Variants in RBM38 observed in about 807,000 individuals in gnomAD.
RBM38 encodes RNA binding motif protein 38.
In RBM38, 11 loss-of-function variants were observed where a neutral mutation model predicts 23.5. The observed-to-expected ratio is 0.47, with a 90% CI of 0.29 to 0.77. The LOEUF (loss-of-function observed/expected upper bound fraction) is 0.77. Among genes scored for constraint, RBM38 ranks in the 30% least tolerant of loss-of-function variants. The pLI, the probability that RBM38 is intolerant of heterozygous loss-of-function variation, is 0.08. For synonymous variants in RBM38, 165 were observed against 166.1 expected (o/e 0.99, Z 0.05); for missense variants, 330 against 351.9 (o/e 0.94, Z 0.50).
intron 3 of RBM38, among the ~76,000 whole-genome samples, chr20:57,395,985 A>G (rs2067271049): frequency 6.6e-6 from 1 of 151,936 alleles, no homozygotes; most frequent in South Asian, 2.1e-4. Context: ...GCCTGGCTGA[A>G]CTCTTCCTTG....
At chr20:57,392,131 C>A (rs2067225538) in intron 1 of RBM38, 3 of 229,366 alleles carry the variant, frequency 1.3e-5, no homozygotes, top group Admixed American at 5.8e-5. Flanking sequence ...CTCGGGATTT[C>A]CTGGAGCAGC....
At chr20:57,392,361 C>G in intron 1 of RBM38, 2 of 1,432,912 alleles carry the variant, frequency 1.4e-6, no homozygotes, top group Non-Finnish European at 1.9e-6. Flanking sequence ...GCCCCCCAAG[C>G]TCCCTTCGGG....
chr20:57,395,535 G>A (rs990382991), intron 3 of RBM38, among the ~76,000 whole-genome samples: 2 of 152,214 alleles, frequency 1.3e-5, no homozygotes, highest in Non-Finnish European at 2.9e-5. Context: ...CTATTTGTTG[G>A]TTGCCAAAGG....
At position 57,391,741 on chromosome 20, in the gene RBM38, T is replaced by C; in HGVS notation, c.160T>C (p.Phe54Leu). 1 of 1,567,096 alleles carries C rather than the reference T, an allele frequency of 6.4e-7. No homozygotes were observed. The highest frequency in any genetic ancestry group is 8.6e-7 in the Non-Finnish European group (1 of 1,156,706). Residue 54 changes from phenylalanine (F) to leucine (L), a missense_variant, in exon 1 of 4, where the codon TTC (phenylalanine) becomes CTC (leucine). Physicochemically the swap from Phe to Leu is conservative, Grantham distance 22. This residue lies in a region of RBM38 where 95 missense variants were observed against 111.9 expected (regional missense o/e 0.85). Transcript: ENST00000356208. ...HTTDASLRKY[F>L]EGFGDIEEAV... ...TACCGACGCCTCGCTCAGGAAGTAC[T>C]TCGAGGGCTTCGGCGACATCGAGGA...
At chr20:57,392,580 CAG>C in intron 1 of RBM38, 72 bp from the exon 2 acceptor site, 2 of 1,531,910 alleles carry the variant, frequency 1.3e-6, no homozygotes, top group Non-Finnish European at 1.8e-6. Flanking sequence ...CATCCGGTGC[CAG>C]GGCGGAGCCG....
At chr20:57,403,412 T>C (rs1334420804) in intron 3 of RBM38, among the ~76,000 whole-genome samples, 2 of 152,194 alleles carry the variant, frequency 1.3e-5, no homozygotes, top group Non-Finnish European at 2.9e-5. Flanking sequence ...GCCGGTGTTC[T>C]CACTCCCCCT....
chr20:57,391,609 C>T lies in RBM38; in HGVS notation c.28C>T (p.Pro10Ser). MLLQPAPCA[P>S]SAGFPRPLAA... ...GCTGCTGCAGCCCGCGCCGTGCGCC[C>T]CGAGCGCGGGCTTCCCGCGGCCCCT... Residue 10 changes from proline (P) to serine (S), a missense_variant, in exon 1 of 4, where the codon CCG becomes TCG. Pro to Ser is a moderately conservative substitution (Grantham distance 74, BLOSUM62 -1). Coordinates refer to ENST00000356208, the MANE Select transcript of RBM38 (RefSeq NM_017495.6). The T allele has an allele frequency of 7.1e-7, 1 of 1,410,342 alleles. No homozygotes were observed. Among genetic ancestry groups the T allele is most frequent in the Non-Finnish European group, 9.3e-7 (1 of 1,071,068 alleles). The allele number at this position is 1,410,342 out of a possible 1,614,324, so 87.4% of individuals were successfully genotyped here.
rs1429768113 is a variant in RBM38, at chr20:57,409,219, G to C, written c.*1373G>C. 1 of 152,680 alleles carries C rather than the reference G, an allele frequency of 6.5e-6. No homozygotes were observed. Among genetic ancestry groups the C allele is most frequent in the African/African-American group, 2.4e-5 (1 of 41,456 alleles). The allele number at this position is 152,680 out of a possible 1,614,324, so 9.5% of individuals were successfully genotyped here. A position where few individuals can be genotyped will look rare whatever the true frequency, so the allele number is the denominator to read the frequency against. On this transcript the variant is annotated 3_prime_UTR_variant, in exon 4 of 4. Transcript: ENST00000356208. ...GGGAGCTGAGCGTGCAGGCGCTCCA[G>C]GGCAGGCCTGGGACAGAGTCAAGGC... is the stretch of plus-strand genomic sequence containing the variant.
Position 57,407,665 on chromosome 20 carries a change from CCCAGTACCCACCGGCCACCTATGA to C in RBM38, c.550_573del (p.Pro184_Pro191del), listed in dbSNP as rs1374347317. 3.1e-5 allele frequency: 50 copies of C among 1,612,900 alleles called. No individual in the cohort carries two copies. Among genetic ancestry groups the C allele is most frequent in the Non-Finnish European group, 4.2e-5 (49 of 1,179,820 alleles). ...TACACGCCGGCCAGCCCGGCCTACG[CCCAGTACCCACCGGCCACCTATGA>C]CCAGTACCCATACGCCGCCTCGCCT... On this transcript the variant is annotated inframe_deletion, in exon 4 of 4. Coordinates refer to ENST00000356208, the MANE Select transcript of RBM38 (RefSeq NM_017495.6). The surrounding 1 kb of genome is among the most constrained non-coding windows in gnomAD (Gnocchi z 4.0).
chr20:57,394,766 C>T (rs552882625), intron 3 of RBM38, among the ~76,000 whole-genome samples: 1 of 152,252 alleles, frequency 6.6e-6, no homozygotes, highest in East Asian at 1.9e-4. Flanking sequence ...TTTTCCAGAA[C>T]CTTGGCTCCA....
At chr20:57,399,956 C>G (rs1245796573) in intron 3 of RBM38, 3 of 456,296 alleles carry the variant, frequency 6.6e-6, no homozygotes, top group African/African-American at 4.0e-5. Flanking sequence ...AAAATGAGTC[C>G]TCCTGGGCCG....
At chr20:57,403,604 G>T (rs2067351769) in intron 3 of RBM38, among the ~76,000 whole-genome samples, 1 of 152,140 alleles carries the variant, frequency 6.6e-6, no homozygotes, top group African/African-American at 2.4e-5. Context: ...TGGGAGATGG[G>T]CTAACACTAG....
At chr20:57,406,837 CAAAAAA>C (rs1251798325) in intron 3 of RBM38, among the ~76,000 whole-genome samples, 4 of 152,010 alleles carry the variant, frequency 2.6e-5, no homozygotes, top group South Asian at 2.1e-4. Flanking sequence ...ACTAAAAATA[CAAAAAA>C]ATTAGCCGAG....
intron 3 of RBM38, among the ~76,000 whole-genome samples, chr20:57,397,329 T>C (rs111428130): frequency 5.9e-5 from 9 of 152,304 alleles, no homozygotes; most frequent in African/African-American, 2.2e-4. Context: ...CCCAGGATGG[T>C]GGGGCCTGAG....
intron 3 of RBM38, among the ~76,000 whole-genome samples, chr20:57,402,028 G>A (rs2067333184): frequency 6.6e-6 from 1 of 152,098 alleles, no homozygotes; most frequent in Non-Finnish European, 1.5e-5. Flanking sequence ...GCTCACTGCA[G>A]CCTCCGCCTC....
At chr20:57,399,934 C>CT in intron 3 of RBM38, 1 of 456,322 alleles carries the variant, frequency 2.2e-6, no homozygotes, top group Non-Finnish European at 4.4e-6. Flanking sequence ...TCAGAGGCGA[C>CT]TTTATGTTCA....
rs1459777614 is a variant in RBM38 at position 57,407,521 on chromosome 20, C to T, written c.417-22C>T. ...TTCCCCAACTCCGTTCTGGCCCTAA[C>T]CTGCTCTGCTTGGCCCCACAGGCTG... is the stretch of plus-strand genomic sequence containing the variant. On this transcript the variant is annotated intron_variant, in intron 3 of 3. Transcript: ENST00000356208. The surrounding 1 kb of genome is among the most constrained non-coding windows in gnomAD (Gnocchi z 4.0). 1.9e-6 allele frequency: 3 copies of T among 1,610,482 alleles called. No individual in the cohort carries two copies. The highest frequency in any genetic ancestry group is 1.7e-6 in the Non-Finnish European group (2 of 1,177,508).
At chr20:57,397,822 C>G (rs1415643111) in intron 3 of RBM38, among the ~76,000 whole-genome samples, 1 of 152,240 alleles carries the variant, frequency 6.6e-6, no homozygotes, top group Non-Finnish European at 1.5e-5. Flanking sequence ...CGATCTCGTG[C>G]TCACATTCTG....
intron 3 of RBM38, among the ~76,000 whole-genome samples, chr20:57,401,455 G>T (rs1448837614): frequency 6.6e-6 from 1 of 152,220 alleles, no homozygotes; most frequent in East Asian, 1.9e-4. Flanking sequence ...TTGGGGCAGG[G>T]ACTCTTGGCC....
Sources: allele counts gnomAD v4.1 joint callset (sites outside exome capture counted in the v4.1 genomes callset), GRCh38; gene constraint gnomAD v4.1.1; regional missense constraint gnomAD v4.1.1; non-coding constraint Gnocchi (gnomAD v3.1); transcripts MANE v1.5; gene names NCBI Gene and HGNC (gene_info 2026-07-23, HGNC 2026-07-21).